Variants in PPIL2 observed in about 807,000 individuals in gnomAD.
The protein encoded by PPIL2 is peptidylprolyl isomerase like 2, also known as RING-type E3 ubiquitin-protein ligase PPIL2.
A neutral mutation model predicts 75.2 loss-of-function variants in PPIL2; 50 were observed. The ratio of observed to expected loss-of-function variants is 0.66; its 90% confidence interval spans 0.53 to 0.84. The LOEUF (loss-of-function observed/expected upper bound fraction) is 0.84. PPIL2 is among the 40% of genes least tolerant of loss of function. PPIL2 has a pLI of 0.00. For missense variants in PPIL2, 590 were observed against 685.0 expected (o/e 0.86, Z 1.55); for synonymous variants, 245 against 258.8 (o/e 0.95, Z 0.51).
chr22:21,684,289 G>GAGACCC lies in PPIL2; in HGVS notation c.554-464_554-463insAGACCC, dbSNP rs576536643. Among the ~76,000 whole-genome samples, 5 of 116,922 alleles carry GAGACCC rather than the reference G, an allele frequency of 4.3e-5. No individual in the cohort carries two copies. The South Asian group carries it at 1.5e-3, about 35-fold the overall frequency. The allele number at this position is 116,922 out of a possible 152,430, so 76.7% of individuals were successfully genotyped here. On this transcript the variant is annotated intron_variant, in intron 9 of 19. Transcript: ENST00000398831. ...AGGCGGATCACGAGGTTACAAGATT[G>GAGACCC]TAACACAAAAAAATTAGCCGGGCGT...
At chr22:21,688,904 G>A (rs146799589) in intron 15 of PPIL2, 55 bp downstream of exon 15, 169 of 1,499,368 alleles carry the variant, frequency 1.1e-4, no homozygotes, top group East Asian at 2.5e-4. Flanking sequence ...CACTCTCTGC[G>A]GGTTCTTCCT....
chr22:21,682,464 A>G lies in PPIL2; in HGVS notation c.415A>G (p.Lys139Glu). ...AGTGGAACAGCTAAATATCAAGGCC[A>G]AGAACTTCCGGGACCTGCTGACCGA... is the stretch of plus-strand genomic sequence containing the variant. Reference protein sequence around the residue: ...EAVEQLNIKAKNFRDLLTDEP... With the variant: ...EAVEQLNIKAENFRDLLTDEP... The change falls in exon 8 of 20, where the codon AAG becomes GAG. Residue 139 changes from lysine (K) to glutamate (E), a missense_variant. Coordinates refer to ENST00000398831, the MANE Select transcript of PPIL2 (RefSeq NM_014337.4). 7 of 1,614,040 alleles carry G rather than the reference A, an allele frequency of 4.3e-6. No individual in the cohort carries two copies. Among genetic ancestry groups the G allele is most frequent in the Non-Finnish European group, 5.9e-6 (7 of 1,179,986 alleles).
chr22:21,666,228 C>T, intron 1 of PPIL2, 97 bp downstream of exon 1: 6 of 1,389,190 alleles, frequency 4.3e-6, no homozygotes, highest in Non-Finnish European at 5.9e-6. Context: ...CAGCTACTCC[C>T]CAGAGCACAG....
chr22:21,688,915 C>T, intron 15 of PPIL2, 66 bp downstream of exon 15: 3 of 1,428,662 alleles, frequency 2.1e-6, no homozygotes, highest in South Asian at 1.2e-5. Flanking sequence ...GGTTCTTCCT[C>T]TTGGCCCTCT....
In PPIL2 at chr22:21,696,449, TGTCA is replaced by T; in HGVS notation, c.*964_*967del. 8.3e-7 allele frequency: 1 copy of T among 1,198,168 alleles called. No homozygotes were observed. Among genetic ancestry groups the T allele is most frequent in the Admixed American group, 3.9e-5 (1 of 25,320 alleles). 74.2% of individuals were successfully genotyped at this position (1,198,168 alleles called of 1,614,324 possible). On this transcript the variant is annotated 3_prime_UTR_variant, in exon 20 of 20. Transcript: ENST00000398831. ...CTGGGCTCCAAGACTCTGCTCCTCCTGTCAGTCACTGACTCTGATGGCCTTGGGC... is the reference window on the plus strand; with the variant it reads ...CTGGGCTCCAAGACTCTGCTCCTCCTGTCACTGACTCTGATGGCCTTGGGC...
rs1297620179 is a variant in PPIL2, at chr22:21,686,572, C to G, written c.790+14C>G. On this transcript the variant is annotated intron_variant, in intron 11 of 19. Coordinates refer to ENST00000398831, the MANE Select transcript of PPIL2 (RefSeq NM_014337.4). ...CACATGAAGCAGGTAGCCACCTTGGCCTCTGTAGCCACCTGCCATGTGACC... is the reference window on the plus strand; with the variant it reads ...CACATGAAGCAGGTAGCCACCTTGGGCTCTGTAGCCACCTGCCATGTGACC... The G allele has an allele frequency of 6.2e-7, 1 of 1,612,452 alleles. No homozygotes were observed.
At chr22:21,675,410 C>G (rs555990214) in intron 6 of PPIL2, among the ~76,000 whole-genome samples, 1 of 152,250 alleles carries the variant, frequency 6.6e-6, no homozygotes, top group East Asian at 1.9e-4. Context: ...GTGGCGGGCG[C>G]CTGTAGTCCC....
At chr22:21,687,786 C>T (rs2067437301) in intron 13 of PPIL2, 54 bp downstream of exon 13, 6 of 1,541,278 alleles carry the variant, frequency 3.9e-6, no homozygotes, top group Non-Finnish European at 4.5e-6. Context: ...ACATCGGGGG[C>T]TGGGTGGGCT....
chr22:21,667,434 G>A (rs908377886), intron 1 of PPIL2, among the ~76,000 whole-genome samples: 9 of 151,608 alleles, frequency 5.9e-5, no homozygotes, highest in Admixed American at 1.3e-4. Context: ...GGGATTACAG[G>A]CGTGAGCCAC....
At chr22:21,688,160 T>C in intron 14 of PPIL2, 54 bp downstream of exon 14, 1 of 1,608,160 alleles carries the variant, frequency 6.2e-7, no homozygotes. Flanking sequence ...CCGTGGGGCA[T>C]GAGGGGGTAG....
chr22:21,679,527 G>T (rs984134434), intron 6 of PPIL2, among the ~76,000 whole-genome samples: 5 of 152,046 alleles, frequency 3.3e-5, no homozygotes, highest in African/African-American at 1.2e-4. Flanking sequence ...ATTGGAGCTT[G>T]GGAAGTTGAG....
At chr22:21,686,068 C>T (rs1038444523) in intron 10 of PPIL2, among the ~76,000 whole-genome samples, 2 of 151,972 alleles carry the variant, frequency 1.3e-5, no homozygotes, top group Non-Finnish European at 2.9e-5. Context: ...AGGCTGAGGT[C>T]GGAGGGTCAC....
intron 9 of PPIL2, among the ~76,000 whole-genome samples, chr22:21,683,653 C>T (rs907009106): frequency 1.3e-5 from 2 of 152,206 alleles, no homozygotes; most frequent in African/African-American, 4.8e-5. Context: ...ACTTTGTGAG[C>T]ATTGTTTGAA....
Position 21,687,015 on chromosome 22 carries a change from G to C in PPIL2, c.897+17G>C. ...TGCGACCTGGTGGGTGTGGAGGCCA[G>C]CCACTCCCCATGCCCCAAGGTCATC... On this transcript the variant is annotated intron_variant, in intron 12 of 19. Transcript: ENST00000398831. 2 of 1,606,232 alleles carry C rather than the reference G, an allele frequency of 1.2e-6. No individual in the cohort carries two copies. Among genetic ancestry groups the C allele is most frequent in the Non-Finnish European group, 1.7e-6 (2 of 1,173,550 alleles).
chr22:21,686,804 C>T (rs1363504323), intron 11 of PPIL2, 88 bp from the exon 12 acceptor site: 61 of 1,324,888 alleles, frequency 4.6e-5, no homozygotes, highest in South Asian at 6.0e-5. Context: ...GCCTAGTCCC[C>T]GCCTGTGTGT....
At chr22:21,688,290 C>G (rs533654144) in intron 14 of PPIL2, among the ~76,000 whole-genome samples, 184 bp downstream of exon 14, 10 of 152,302 alleles carry the variant, frequency 6.6e-5, no homozygotes, top group Admixed American at 2.6e-4. Context: ...TTCCAGGTGG[C>G]TGTGAGGCCT....
intron 15 of PPIL2, among the ~76,000 whole-genome samples, chr22:21,692,376 GATCT>G: frequency 6.6e-6 from 1 of 150,832 alleles, no homozygotes; most frequent in South Asian, 2.1e-4. Flanking sequence ...GGATGGTCTC[GATCT>G]CCTGACCTTG....
Position 21,682,531 on chromosome 22 carries a change from G to A in PPIL2, c.477+5G>A. ...CAGGACATCATCACCCTCCAGGTGA[G>A]TGTCCCCTGCCTGCCTGCCCCAGCT... On this transcript the variant is annotated splice_donor_5th_base_variant and intron_variant, in intron 8 of 19. Transcript: ENST00000398831. 6.2e-7 allele frequency: 1 copy of A among 1,611,672 alleles called. No homozygotes were observed. Among genetic ancestry groups the A allele is most frequent in the Non-Finnish European group, 8.5e-7 (1 of 1,178,780 alleles).
chr22:21,688,186 G>A (rs1323325826), intron 14 of PPIL2, 80 bp downstream of exon 14: 18 of 1,554,170 alleles, frequency 1.2e-5, no homozygotes, highest in Non-Finnish European at 1.5e-5. Context: ...CAGGGGTTGT[G>A]CACAGCTCAG....
Sources: gnomAD v4.1 joint callset for allele counts (sites outside exome capture counted in the v4.1 genomes callset) on GRCh38, gnomAD v4.1.1 for gene constraint, MANE v1.5 for transcripts, NCBI Gene and HGNC (gene_info 2026-07-23, HGNC 2026-07-21) for gene names.